Variants in LRIF1 observed in about 807,000 individuals in gnomAD.
The protein encoded by LRIF1 is ligand-dependent nuclear receptor-interacting factor 1.
A neutral mutation model predicts 52.7 loss-of-function variants in LRIF1; 32 were observed. That is an observed-to-expected ratio of 0.61 (90% confidence interval 0.46 to 0.82). LRIF1 has a LOEUF of 0.82. Among genes scored for constraint, LRIF1 ranks in the 40% least tolerant of loss-of-function variants. LRIF1 has a pLI of 0.00. For missense variants in LRIF1, 887 were observed against 892.0 expected, an observed-to-expected ratio of 0.99 and a Z score of 0.07; for synonymous variants, 323 against 317.4, an observed-to-expected ratio of 1.02 and a Z score of -0.19.
At chr1:110,877,574 G>A in the LRIF1 span, among the ~76,000 whole-genome samples, 15 of 152,294 alleles carry the variant, frequency 9.8e-5, no homozygotes, top group African/African-American at 3.6e-4. Context: ...GGGAGGAAGT[G>A]AGCTTCCAAG....
chr1:110,944,530 C>G (rs1256557739), downstream of LRIF1: 1 of 152,058 alleles, frequency 6.6e-6, no homozygotes, highest in Admixed American at 6.6e-5. Flanking sequence ...AGAGGCAAAC[C>G]GTGGACTGAG....
the LRIF1 span, among the ~76,000 whole-genome samples, chr1:110,900,756 A>C: frequency 6.6e-6 from 1 of 151,758 alleles, no homozygotes; most frequent in Non-Finnish European, 1.5e-5. Context: ...CACTCAAAAA[A>C]AAAAAAAAAC....
At chr1:110,921,913 C>T in the LRIF1 span, among the ~76,000 whole-genome samples, 9,138 of 152,162 alleles carry the variant, frequency 0.06, 304 homozygotes, top group East Asian at 0.14. Context: ...ACAGATTATG[C>T]CATCACCCAG....
chr1:110,958,246 T>C (rs908000711), intron 1 of LRIF1, among the ~76,000 whole-genome samples: 15 of 152,248 alleles, frequency 9.9e-5, no homozygotes, highest in Non-Finnish European at 1.3e-4. Flanking sequence ...ATATGCCATG[T>C]ATATTACATT....
At chr1:110,935,220 A>G in the LRIF1 span, among the ~76,000 whole-genome samples, 1 of 152,232 alleles carries the variant, frequency 6.6e-6, no homozygotes, top group African/African-American at 2.4e-5. Context: ...GGACAGGTAC[A>G]AACAAGCCCA....
At chr1:110,881,221 C>A in the LRIF1 span, among the ~76,000 whole-genome samples, 4 of 152,140 alleles carry the variant, frequency 2.6e-5, no homozygotes, top group Non-Finnish European at 5.9e-5. Context: ...CCCTTTCTCT[C>A]ACCCTTCCCT....
the LRIF1 span, among the ~76,000 whole-genome samples, chr1:110,902,617 G>A: frequency 1.3e-5 from 2 of 150,984 alleles, no homozygotes; most frequent in African/African-American, 2.4e-5. Flanking sequence ...TGAAATACAA[G>A]AAGGATCAAA....
chr1:110,916,232 T>C, the LRIF1 span, among the ~76,000 whole-genome samples: 3 of 152,146 alleles, frequency 2.0e-5, no homozygotes, highest in African/African-American at 7.2e-5. Flanking sequence ...ATTTTGACTT[T>C]ATAAACAACA....
rs1658259641 is a variant in LRIF1, at chr1:110,947,702, G to A, written c.*257C>T. ...AAATATTCAAACTTGGAGAATTCTA[G>A]TTAAAATAATAGAAAAATATAAAAT... On this transcript the variant is annotated 3_prime_UTR_variant, in exon 4 of 4. Coordinates refer to ENST00000369763, the MANE Select transcript of LRIF1 (RefSeq NM_018372.4). The A allele has an allele frequency of 3.4e-6, 1 of 293,374 alleles. No homozygotes were observed. The highest frequency in any genetic ancestry group is 1.1e-4 in the South Asian group (1 of 9,318). 18.2% of individuals were successfully genotyped at this position (293,374 alleles called of 1,614,324 possible).
At chr1:110,876,033 A>G in the LRIF1 span, among the ~76,000 whole-genome samples, 7 of 152,354 alleles carry the variant, frequency 4.6e-5, no homozygotes, top group East Asian at 1.2e-3. Flanking sequence ...ATATGACACA[A>G]GCATACATTT....
chr1:110,928,941 G>A, the LRIF1 span, among the ~76,000 whole-genome samples: 30 of 152,288 alleles, frequency 2.0e-4, no homozygotes, highest in Admixed American at 1.3e-3. Context: ...CTGAACAGGG[G>A]AGTGACTTGC....
chr1:110,924,586 GAAC>G, the LRIF1 span, among the ~76,000 whole-genome samples: 2 of 152,196 alleles, frequency 1.3e-5, no homozygotes, highest in African/African-American at 4.8e-5. Flanking sequence ...ACTATCATGA[GAAC>G]AACATGGAGG....
chr1:110,948,357 T>C lies in LRIF1; in HGVS notation c.1912A>G (p.Met638Val), dbSNP rs752029389. 6.8e-6 allele frequency: 11 copies of C among 1,613,642 alleles called. No homozygotes were observed. In the Admixed American group the frequency reaches 1.5e-4, roughly 22 times the overall value. ...GTTTTTCTCTTCTTTATGTGATCCA[T>C]CTTCTTATTAGTTTTTGCTTTTCTT... ...KKRKAKTNKK[M>V]DHIKKRKTEN... Residue 638 changes from methionine to valine, a missense_variant, in exon 4 of 4, where the codon ATG (methionine) becomes GTG (valine). Met to Val is a conservative substitution (Grantham distance 21, BLOSUM62 1). Coordinates refer to ENST00000369763, the MANE Select transcript of LRIF1 (RefSeq NM_018372.4).
At chr1:110,884,493 G>T in the LRIF1 span, among the ~76,000 whole-genome samples, 39 of 152,186 alleles carry the variant, frequency 2.6e-4, 1 homozygote, top group South Asian at 1.0e-3. Flanking sequence ...GTTGACTGAT[G>T]CTGTTGTTCA....
At chr1:110,917,894 A>G in the LRIF1 span, among the ~76,000 whole-genome samples, 1 of 152,126 alleles carries the variant, frequency 6.6e-6, no homozygotes, top group Non-Finnish European at 1.5e-5. Flanking sequence ...GAATTTGTTC[A>G]GCAACATATA....
At chr1:110,899,933 G>C in the LRIF1 span, 110,454 of 152,516 alleles carry the variant, frequency 0.72, 42,128 homozygotes, top group Non-Finnish European at 0.84. Flanking sequence ...TCACAACATT[G>C]CTATATATCA....
In LRIF1 at chr1:110,952,459, A is replaced by G. The variant is rs1480472510; in HGVS notation, c.425T>C (p.Ile142Thr). 2 of 1,612,182 alleles carry G rather than the reference A, an allele frequency of 1.2e-6. No homozygotes were observed. Among genetic ancestry groups the G allele is most frequent in the African/African-American group, 1.3e-5 (1 of 75,002 alleles). ...AAATGTTTGCATGGTGAGTCCATCA[A>G]TTTTCACACCATGACTCTGAACTTT... ...VSKVQSHGVKIDGLTMQTFAV... is the reference protein window; with the variant it reads ...VSKVQSHGVKTDGLTMQTFAV... The change falls in exon 2 of 4, where the codon ATT becomes ACT. Residue 142 changes from isoleucine to threonine, a missense_variant. Ile to Thr is a moderately conservative substitution (Grantham distance 89). Coordinates refer to ENST00000369763, the MANE Select transcript of LRIF1 (RefSeq NM_018372.4).
At chr1:110,956,273 C>T (rs1658697505) in intron 1 of LRIF1, among the ~76,000 whole-genome samples, 1 of 152,008 alleles carries the variant, frequency 6.6e-6, no homozygotes, top group Non-Finnish European at 1.5e-5. Context: ...AATCTGTACT[C>T]GAGATTTTTC....
Position 110,954,795 on chromosome 1 carries a change from T to C in LRIF1, c.69-1980A>G, listed in dbSNP as rs150724719. 2.2e-4 allele frequency among the ~76,000 whole-genome samples: 33 copies of C among 152,318 alleles called. 1 individual carries two copies. The East Asian group carries it at 5.8e-3, about 27-fold the overall frequency. On this transcript the variant is annotated intron_variant, in intron 1 of 3. Coordinates refer to ENST00000369763, the MANE Select transcript of LRIF1 (RefSeq NM_018372.4). Reference sequence around the variant, plus strand: ...TCTGTTTCTGTGCATTCTTATATTTTAATTGATTTTTAAAAATCAAAAGAG... The same window carrying C: ...TCTGTTTCTGTGCATTCTTATATTTCAATTGATTTTTAAAAATCAAAAGAG...
Sources: allele counts gnomAD v4.1 joint callset (sites outside exome capture counted in the v4.1 genomes callset), GRCh38; gene constraint gnomAD v4.1.1; transcripts MANE v1.5; gene names NCBI Gene and HGNC (gene_info 2026-07-23, HGNC 2026-07-21).